SAMD8: variants seen among roughly 807,000 people sequenced by gnomAD.
SAMD8 encodes the protein sterile alpha motif domain containing 8, also known as sphingomyelin synthase-related protein 1.
A neutral mutation model predicts 42.0 loss-of-function variants in SAMD8; 20 were observed. The ratio of observed to expected loss-of-function variants is 0.48; its 90% CI spans 0.34 to 0.69. SAMD8 has a LOEUF of 0.69. Ranked by LOEUF, SAMD8 falls within the 30% of genes least tolerant of loss-of-function variation. The probability of loss-of-function intolerance (pLI) is 0.01; values close to 1 mark genes in which losing one functional copy is unlikely to be tolerated. For synonymous variants in SAMD8, 162 were observed against 173.0 expected, an observed-to-expected ratio of 0.94 and a Z score of 0.50; for missense variants, 328 against 511.6, an observed-to-expected ratio of 0.64 and a Z score of 3.46.
At chr10:75,174,297 T>G (rs1018422927) in intron 4 of SAMD8, among the ~76,000 whole-genome samples, 1 of 152,086 alleles carries the variant, frequency 6.6e-6, no homozygotes, top group African/African-American at 2.4e-5. Context: ...GCCCGGCTAA[T>G]TTTTTGTATA....
chr10:75,133,296 G>C (rs924891389), intron 1 of SAMD8, among the ~76,000 whole-genome samples: 2 of 151,824 alleles, frequency 1.3e-5, no homozygotes, highest in Non-Finnish European at 2.9e-5. Context: ...CCAGCTACTT[G>C]GGAGGCTGAG....
chr10:75,126,307 G>A (rs764680032), intron 1 of SAMD8, among the ~76,000 whole-genome samples: 9 of 151,876 alleles, frequency 5.9e-5, no homozygotes, highest in Non-Finnish European at 7.4e-5. Context: ...CACTTTATTA[G>A]TCTTTTGAGG....
chr10:75,173,139 A>G (rs539600076), intron 4 of SAMD8, among the ~76,000 whole-genome samples: 12 of 152,160 alleles, frequency 7.9e-5, no homozygotes, highest in Non-Finnish European at 1.5e-4. Context: ...TGTTTTTATC[A>G]GTTGGTTATA....
At chr10:75,149,340 T>C (rs1010934149) in intron 1 of SAMD8, among the ~76,000 whole-genome samples, 2 of 152,218 alleles carry the variant, frequency 1.3e-5, no homozygotes, top group African/African-American at 4.8e-5. Context: ...TTTTAAAACA[T>C]AGCACCTTAT....
intron 1 of SAMD8, among the ~76,000 whole-genome samples, chr10:75,105,035 C>T (rs1289039805): frequency 1.3e-5 from 2 of 152,162 alleles, no homozygotes; most frequent in African/African-American, 4.8e-5. Context: ...TAGGGACAGC[C>T]AAAGACAGGC....
chr10:75,126,499 C>CTTTTT (rs779589994), intron 1 of SAMD8, among the ~76,000 whole-genome samples: 9 of 115,550 alleles, frequency 7.8e-5, no homozygotes, highest in Non-Finnish European at 1.3e-4. Flanking sequence ...AGTGCTTTTG[C>CTTTTT]TTTTTTTTTT....
chr10:75,143,635 A>G (rs1163300995), intron 1 of SAMD8, among the ~76,000 whole-genome samples: 2 of 151,724 alleles, frequency 1.3e-5, no homozygotes, highest in Admixed American at 6.6e-5. Context: ...ATCTCTTATC[A>G]TTCTTACCTT....
At chr10:75,148,116 C>G (rs1166564696) in intron 1 of SAMD8, among the ~76,000 whole-genome samples, 2 of 151,984 alleles carry the variant, frequency 1.3e-5, no homozygotes, top group Non-Finnish European at 2.9e-5. Flanking sequence ...CTTAAGTCTT[C>G]CAAAAATTAC....
intron 2 of SAMD8, among the ~76,000 whole-genome samples, chr10:75,158,285 G>A (rs1218081334): frequency 1.3e-5 from 2 of 151,852 alleles, no homozygotes; most frequent in African/African-American, 4.8e-5. Context: ...AGAACAATGA[G>A]GCTTTTATTA....
Position 75,111,699 on chromosome 10 carries a change from G to A in SAMD8, c.-39G>A. ...GGACGCCGACTCGGAGGTGGGTCCGGGGAGCCCGACTCGGACCGCGGAGGT... is the reference window on the plus strand; with the variant it reads ...GGACGCCGACTCGGAGGTGGGTCCGAGGAGCCCGACTCGGACCGCGGAGGT... On this transcript the variant is annotated 5_prime_UTR_variant, in exon 1 of 6. Coordinates refer to ENST00000542569, the MANE Select transcript of SAMD8 (RefSeq NM_001174156.2). 8.1e-7 allele frequency: 1 copy of A among 1,235,398 alleles called. No individual in the cohort carries two copies. Among genetic ancestry groups the A allele is most frequent in the Non-Finnish European group, 1.0e-6 (1 of 989,766 alleles). 76.5% of individuals were successfully genotyped at this position (1,235,398 alleles called of 1,614,324 possible). A position where few individuals can be genotyped will look rare whatever the true frequency, so the allele number is the denominator to read the frequency against.
chr10:75,165,237 CTGAGA>C (rs1840646831), intron 3 of SAMD8, among the ~76,000 whole-genome samples: 1 of 152,006 alleles, frequency 6.6e-6, no homozygotes, highest in African/African-American at 2.4e-5. Flanking sequence ...TTGTGGTGAG[CTGAGA>C]TAAGAAAGCC....
chr10:75,120,774 CTTTTTTTTTTTTT>C (rs111866437), intron 1 of SAMD8, among the ~76,000 whole-genome samples: 1 of 80,168 alleles, frequency 1.2e-5, no homozygotes, highest in Admixed American at 1.9e-4. Flanking sequence ...TAATTTCCAT[CTTTTTTTTTTTTT>C]TTTTTTTTTT....
At chr10:75,165,003 A>G (rs1358873734) in intron 3 of SAMD8, among the ~76,000 whole-genome samples, 1 of 152,256 alleles carries the variant, frequency 6.6e-6, no homozygotes, top group Non-Finnish European at 1.5e-5. Context: ...TGATCTAAAA[A>G]AAAGAGGCTG....
At chr10:75,131,677 T>C (rs1849276810) in intron 1 of SAMD8, among the ~76,000 whole-genome samples, 2 of 152,304 alleles carry the variant, frequency 1.3e-5, no homozygotes, top group South Asian at 4.1e-4. Context: ...TTTAAAAATC[T>C]ATAATAAATC....
At chr10:75,111,861 C>T in intron 1 of SAMD8, 139 bp downstream of exon 1, 5 of 1,038,832 alleles carry the variant, frequency 4.8e-6, no homozygotes, top group South Asian at 5.1e-5. Context: ...TTGAGGGAAC[C>T]GGGATAGTCA....
At chr10:75,128,114 C>G (rs1043816091) in intron 1 of SAMD8, among the ~76,000 whole-genome samples, 1 of 143,162 alleles carries the variant, frequency 7.0e-6, no homozygotes, top group Non-Finnish European at 1.5e-5. Context: ...TCGCTGTCAC[C>G]TAGGCTGGAG....
upstream of SAMD8, chr10:75,108,869 G>T (rs1180020926): frequency 1.7e-6 from 2 of 1,143,812 alleles, no homozygotes; most frequent in African/African-American, 1.6e-5. Context: ...ACCCCCGGGG[G>T]TCCTGGAGAA....
chr10:75,141,420 C>G (rs1774373898), intron 1 of SAMD8, among the ~76,000 whole-genome samples: 1 of 151,564 alleles, frequency 6.6e-6, no homozygotes, highest in Admixed American at 6.6e-5. Context: ...GGCAATCTTG[C>G]TAAACTGACT....
chr10:75,126,499 C>CTTT lies in SAMD8; in HGVS notation c.-16+14795_-16+14797dup, dbSNP rs779589994. Among the ~76,000 whole-genome samples the CTTT allele has an allele frequency of 1.2e-3, 133 of 115,526 alleles. 2 individuals are homozygous for CTTT. Among genetic ancestry groups the CTTT allele is most frequent in the African/African-American group, 3.8e-3 (118 of 31,216 alleles). 75.8% of individuals were successfully genotyped at this position (115,526 alleles called of 152,430 possible). A position where few individuals can be genotyped will look rare whatever the true frequency, so the allele number is the denominator to read the frequency against. On this transcript the variant is annotated intron_variant, in intron 1 of 5. Transcript: ENST00000542569. ...TAAATGTAACATATGAGTGCTTTTG[C>CTTT]TTTTTTTTTTTTTTTTTTTTGAGAC... is the stretch of plus-strand genomic sequence containing the variant.
Sources: allele counts gnomAD v4.1 joint callset (sites outside exome capture counted in the v4.1 genomes callset), GRCh38; gene constraint gnomAD v4.1.1; transcripts MANE v1.5; gene names NCBI Gene and HGNC (gene_info 2026-07-23, HGNC 2026-07-21).